The following PPP1R13B variants were observed in gnomAD, a reference collection of about 807,000 sequenced individuals.
PPP1R13B encodes protein phosphatase 1 regulatory subunit 13B, also known as apoptosis-stimulating of p53 protein 1.
PPP1R13B carries 44 observed loss-of-function variants against 119.8 expected under a neutral mutation model. That is an observed-to-expected ratio of 0.37 (90% CI 0.29 to 0.47). The LOEUF (loss-of-function observed/expected upper bound fraction) is 0.47. Ranked by LOEUF, PPP1R13B falls within the 20% of genes least tolerant of loss-of-function variation. PPP1R13B has a pLI of 0.99. For missense variants in PPP1R13B, 1,227 were observed against 1,413.5 expected (o/e 0.87, Z 2.12); for synonymous variants, 542 against 561.5 (o/e 0.97, Z 0.49).
intron 1 of PPP1R13B, among the ~76,000 whole-genome samples, chr14:103,841,615 T>A (rs1014247973): frequency 3.7e-4 from 56 of 151,864 alleles, no homozygotes; most frequent in African/African-American, 1.0e-3. Context: ...GAAAAAAAAA[T>A]TTTTTTAAAT....
intron 9 of PPP1R13B, chr14:103,743,026 G>A (rs550397474): frequency 1.5e-5 from 9 of 582,860 alleles, no homozygotes; most frequent in African/African-American, 7.5e-5. Flanking sequence ...ACCAAGGGAC[G>A]GGCTCTGCTG....
At chr14:103,822,657 C>CA (rs1273992562) in intron 1 of PPP1R13B, among the ~76,000 whole-genome samples, 2 of 151,924 alleles carry the variant, frequency 1.3e-5, no homozygotes, top group East Asian at 3.9e-4. Flanking sequence ...ACTAAAAATA[C>CA]AAAAAATTAA....
intron 2 of PPP1R13B, among the ~76,000 whole-genome samples, chr14:103,790,863 C>T (rs944737239): frequency 3.3e-5 from 5 of 152,060 alleles, no homozygotes; most frequent in East Asian, 1.9e-4. Flanking sequence ...AAAAATTAGC[C>T]GGGTGTGATG....
At chr14:103,808,186 G>C (rs978669379) in intron 1 of PPP1R13B, among the ~76,000 whole-genome samples, 3 of 151,778 alleles carry the variant, frequency 2.0e-5, no homozygotes, top group Non-Finnish European at 4.4e-5. Context: ...AGAGGTTGCA[G>C]TGAGCCAAGA....
chr14:103,757,407 G>C (rs139403404), intron 5 of PPP1R13B, among the ~76,000 whole-genome samples: 2,301 of 152,212 alleles, frequency 0.015, 55 homozygotes, highest in African/African-American at 0.052. Context: ...CCTGTTTGGG[G>C]TGTCTATTGT....
intron 1 of PPP1R13B, among the ~76,000 whole-genome samples, chr14:103,836,953 G>A (rs2086792901): frequency 6.6e-6 from 1 of 152,178 alleles, no homozygotes; most frequent in Non-Finnish European, 1.5e-5. Flanking sequence ...TTGGTAATTT[G>A]TGATGTTGAC....
intron 3 of PPP1R13B, among the ~76,000 whole-genome samples, chr14:103,780,891 A>C (rs2152019668): frequency 6.6e-6 from 1 of 152,306 alleles, no homozygotes; most frequent in African/African-American, 2.4e-5. Flanking sequence ...AGCAAAACAA[A>C]ACATGAGACA....
At chr14:103,844,813 T>C (rs2152091325) in intron 1 of PPP1R13B, among the ~76,000 whole-genome samples, 1 of 152,318 alleles carries the variant, frequency 6.6e-6, no homozygotes, top group South Asian at 2.1e-4. Flanking sequence ...TAAGCCTATG[T>C]TGTCCAATAT....
At chr14:103,846,780 T>G (rs72712830) in intron 1 of PPP1R13B, 1 of 456,958 alleles carries the variant, frequency 2.2e-6, no homozygotes, top group East Asian at 6.9e-5. Context: ...CGAACCAACA[T>G]TGCAGATACG....
intron 4 of PPP1R13B, chr14:103,762,676 C>T (rs1486104264): frequency 2.3e-5 from 12 of 530,936 alleles, no homozygotes; most frequent in South Asian, 4.1e-5. Context: ...GCCTGAAAAA[C>T]GGGAACCAAG....
At chr14:103,800,419 A>G (rs767795414) in intron 1 of PPP1R13B, among the ~76,000 whole-genome samples, 1 of 152,184 alleles carries the variant, frequency 6.6e-6, no homozygotes, top group Non-Finnish European at 1.5e-5. Flanking sequence ...CTGGGAGGCC[A>G]AGGTGGGCGG....
intron 1 of PPP1R13B, among the ~76,000 whole-genome samples, chr14:103,844,490 G>A (rs2086982104): frequency 6.6e-6 from 1 of 152,122 alleles, no homozygotes; most frequent in Non-Finnish European, 1.5e-5. Flanking sequence ...AGCACTTTAG[G>A]AGGCCAAGGT....
intron 14 of PPP1R13B, 105 bp from the exon 15 acceptor site, chr14:103,737,965 T>G: frequency 1.6e-6 from 2 of 1,288,344 alleles, no homozygotes; most frequent in Non-Finnish European, 2.1e-6. Flanking sequence ...GCGTTCACCT[T>G]TGTGCCATCA....
At chr14:103,774,371 T>C (rs1322011571) in intron 4 of PPP1R13B, among the ~76,000 whole-genome samples, 1 of 152,186 alleles carries the variant, frequency 6.6e-6, no homozygotes, top group African/African-American at 2.4e-5. Context: ...CTGAATCCTT[T>C]CACTGTAGCA....
chr14:103,843,968 T>TG (rs924914577), intron 1 of PPP1R13B, among the ~76,000 whole-genome samples: 12 of 129,336 alleles, frequency 9.3e-5, no homozygotes, highest in African/African-American at 3.6e-4. Flanking sequence ...AAAAAAAAAG[T>TG]GGAAAGGCCA....
chr14:103,835,766 G>A (rs1478561455), intron 1 of PPP1R13B, among the ~76,000 whole-genome samples: 52 of 147,846 alleles, frequency 3.5e-4, no homozygotes, highest in African/African-American at 1.2e-3. Flanking sequence ...CCGCCACCAT[G>A]CCCAGCTAAT....
At chr14:103,771,134 C>T (rs1460118888) in intron 4 of PPP1R13B, among the ~76,000 whole-genome samples, 2 of 152,120 alleles carry the variant, frequency 1.3e-5, no homozygotes, top group African/African-American at 4.8e-5. Context: ...AGAGACGGCC[C>T]CCTAACTATC....
rs75244210 is a variant in PPP1R13B, at chr14:103,740,967, C to T, written c.1823-374G>A. 7.0e-3 allele frequency among the ~76,000 whole-genome samples: 1,066 copies of T among 152,352 alleles called. 3 individuals are homozygous for T. Among genetic ancestry groups the T allele is most frequent in the Non-Finnish European group, 0.012 (848 of 68,034 alleles). On this transcript the variant is annotated intron_variant, in intron 11 of 16. Coordinates refer to ENST00000202556, the MANE Select transcript of PPP1R13B (RefSeq NM_015316.3). The surrounding 1 kb of genome is among the most constrained non-coding windows in gnomAD (Gnocchi z 4.6). Reference sequence around the variant, plus strand: ...CTGATTCTTGGACTAACTCACATGACGGAGACACACGCGCCTCCTCAGAGC... The same window carrying T: ...CTGATTCTTGGACTAACTCACATGATGGAGACACACGCGCCTCCTCAGAGC...
intron 8 of PPP1R13B, among the ~76,000 whole-genome samples, chr14:103,749,278 C>T (rs1479409548): frequency 1.3e-5 from 2 of 152,040 alleles, no homozygotes; most frequent in African/African-American, 2.4e-5. Flanking sequence ...AATTCAGTAT[C>T]AAATAAGGAT....
Sources: gnomAD v4.1 joint callset for allele counts (sites outside exome capture counted in the v4.1 genomes callset) on GRCh38, gnomAD v4.1.1 for gene constraint, Gnocchi (gnomAD v3.1) non-coding constraint, MANE v1.5 for transcripts, NCBI Gene and HGNC (gene_info 2026-07-23, HGNC 2026-07-21) for gene names.